NRK: variants seen among roughly 807,000 people sequenced by gnomAD.
NRK encodes the protein Nik related kinase, also known as nik-related protein kinase.
NRK carries 67 observed loss-of-function variants against 125.2 expected under a neutral mutation model. That is an observed-to-expected ratio of 0.54 (90% confidence interval 0.44 to 0.66). The LOEUF is 0.66. Among genes scored for constraint, NRK ranks in the 30% least tolerant of loss-of-function variants. The pLI is 0.00. For synonymous variants in NRK, 458 were observed against 429.0 expected (o/e 1.07, Z -0.84); for missense variants, 1,224 against 1,192.9 (o/e 1.03, Z -0.38).
chrX:105,923,115 C>T lies in NRK; in HGVS notation c.2611-3C>T, dbSNP rs1438317009. 2 of 1,191,979 alleles carry T rather than the reference C, an allele frequency of 1.7e-6. No homozygotes were observed. The highest frequency in any genetic ancestry group is 2.3e-6 in the Non-Finnish European group (2 of 882,831). ...GCTACATTAACCTTTCTTGTGCACA[C>T]AGGTTCCAGATGGATTTAAAGTAGG... On this transcript the variant is annotated splice_polypyrimidine_tract_variant and splice_region_variant and intron_variant, in intron 17 of 28. Coordinates refer to ENST00000243300, the MANE Select transcript of NRK (RefSeq NM_198465.4).
In NRK at chrX:105,955,529, A is replaced by C; in HGVS notation, c.4678A>C (p.Asn1560His). ...DKLFFTSTLR[N>H]HHSRVYFMTL... ...GCTGTTCTTTACCTCTACCCTGCGCAATCACCACAGCCGGGTTTACTTCAT... is the reference window on the plus strand; with the variant it reads ...GCTGTTCTTTACCTCTACCCTGCGCCATCACCACAGCCGGGTTTACTTCAT... Residue 1560 changes from asparagine to histidine, a missense_variant, in exon 29 of 29, where the codon AAT (asparagine) becomes CAT (histidine). By Grantham distance (68) the Asn-to-His change is moderately conservative. Transcript: ENST00000243300. The C allele has an allele frequency of 1.7e-6, 2 of 1,193,089 alleles. No homozygotes were observed. The highest frequency in any genetic ancestry group is 2.3e-6 in the Non-Finnish European group (2 of 882,956).
At chrX:105,876,729 A>G (rs535464178) in intron 2 of NRK, among the ~76,000 whole-genome samples, 2 of 112,020 alleles carry the variant, frequency 1.8e-5, no homozygotes, top group Admixed American at 9.5e-5. Context: ...AATTTGCCAT[A>G]AAACTCACAT....
chrX:105,906,936 A>G (rs1165497382), intron 11 of NRK, among the ~76,000 whole-genome samples: 1 of 110,740 alleles, frequency 9.0e-6, no homozygotes, highest in Non-Finnish European at 1.9e-5. Context: ...ATAAAAGATA[A>G]AAGGTAACAA....
chrX:105,826,954 G>A (rs181696121), intron 1 of NRK, among the ~76,000 whole-genome samples: 5 of 111,437 alleles, frequency 4.5e-5, no homozygotes, highest in Admixed American at 2.9e-4. Context: ...CAAGAACAGC[G>A]CACAAAAATC....
chrX:105,933,852 G>A (rs1219820754), intron 19 of NRK, among the ~76,000 whole-genome samples: 2 of 111,564 alleles, frequency 1.8e-5, no homozygotes, highest in Non-Finnish European at 3.8e-5. Context: ...CTAGTACTAT[G>A]ACTGAATACA....
In NRK at chrX:105,895,509, C is replaced by G. The variant is rs1170769583; in HGVS notation, c.566C>G (p.Ala189Gly). Reference protein sequence around the residue: ...KGQNVLLTHNAEVKLVDFGVS... With the variant: ...KGQNVLLTHNGEVKLVDFGVS... Reference sequence around the variant, plus strand: ...CAGAATGTGCTGCTGACTCATAATGCTGAAGTAAAACTGGGTAAGTTTATT... The same window carrying G: ...CAGAATGTGCTGCTGACTCATAATGGTGAAGTAAAACTGGGTAAGTTTATT... Residue 189 changes from alanine to glycine, a missense_variant, in exon 7 of 29, where the codon GCT (alanine) becomes GGT (glycine). Transcript: ENST00000243300. 1 of 1,181,021 alleles carries G rather than the reference C, an allele frequency of 8.5e-7. No homozygotes were observed. Among genetic ancestry groups the G allele is most frequent in the Admixed American group, 2.2e-5 (1 of 45,774 alleles).
At chrX:105,926,255 G>A (rs2147773649) in intron 19 of NRK, among the ~76,000 whole-genome samples, 1 of 111,544 alleles carries the variant, frequency 9.0e-6, no homozygotes, top group Admixed American at 9.5e-5. Flanking sequence ...TTTGAGAAAT[G>A]TCTATTCAAA....
At chrX:105,927,191 C>A (rs1266524767) in intron 19 of NRK, among the ~76,000 whole-genome samples, 2 of 110,153 alleles carry the variant, frequency 1.8e-5, no homozygotes, top group Non-Finnish European at 3.8e-5. Flanking sequence ...TTGTAGAGAT[C>A]TTTCACCTCA....
intron 7 of NRK, among the ~76,000 whole-genome samples, chrX:105,896,855 G>T (rs2040090573): frequency 9.0e-6 from 1 of 111,149 alleles, no homozygotes; most frequent in Non-Finnish European, 1.9e-5. Context: ...AACAATAAAT[G>T]AATAAACAAT....
At chrX:105,888,735 C>T (rs188056917) in intron 5 of NRK, among the ~76,000 whole-genome samples, 24 of 111,143 alleles carry the variant, frequency 2.2e-4, no homozygotes, top group East Asian at 1.4e-3. Flanking sequence ...TCTTGCATGG[C>T]GGCAGGCAAG....
intron 8 of NRK, among the ~76,000 whole-genome samples, chrX:105,899,234 A>C (rs1176458275): frequency 8.9e-6 from 1 of 112,284 alleles, no homozygotes; most frequent in Non-Finnish European, 1.9e-5. Context: ...CTATTTATTA[A>C]AATTTCCACT....
At chrX:105,905,527 T>C (rs1267587516) in intron 10 of NRK, among the ~76,000 whole-genome samples, 184 bp downstream of exon 10, 1 of 112,826 alleles carries the variant, frequency 8.9e-6, no homozygotes, top group Non-Finnish European at 1.9e-5. Context: ...TAGCCAACTA[T>C]AAATAAGTAA....
rs777107267 is a variant in NRK at position 105,912,752 on chromosome X, T to A, written c.2346T>A (p.Ile782=). The A allele has an allele frequency of 1.8e-5, 18 of 1,004,278 alleles. No individual in the cohort carries two copies. The highest frequency in any genetic ancestry group is 6.8e-6 in the Non-Finnish European group (5 of 738,575). The allele number at this position is 1,004,278 out of a possible 1,213,427, so 82.8% of individuals were successfully genotyped here. Residue 782 remains isoleucine, a synonymous_variant, in exon 14 of 29, where the codon ATT becomes ATA. Transcript: ENST00000243300. ...LKPYISNPKK[I]EVQERSPSVP... ...CATACATTTCAAATCCTAAAAAAAT[T>A]GAGGTAAATTTTTCAATATGAGTTG...
chrX:105,924,807 G>A lies in NRK; in HGVS notation c.3088G>A (p.Gly1030Arg). Residue 1030 changes from glycine (G) to arginine (R), a missense_variant, in exon 19 of 29, where the codon GGA becomes AGA. Transcript: ENST00000243300. ...CCATACAGCCAATAGAAGCCATGGA[G>A]GAAGTGCAGCCAGTGAGGACAATGC... ...GSHTANRSHG[G>R]SAASEDNAAI... The A allele has an allele frequency of 1.7e-6, 2 of 1,210,520 alleles. No homozygotes were observed. The highest frequency in any genetic ancestry group is 2.2e-6 in the Non-Finnish European group (2 of 894,685).
At chrX:105,869,648 AT>A (rs1280934565) in intron 2 of NRK, among the ~76,000 whole-genome samples, 1 of 111,656 alleles carries the variant, frequency 9.0e-6, no homozygotes, top group African/African-American at 3.3e-5. Flanking sequence ...TCATCTTTAT[AT>A]TAAGGGCTGT....
At chrX:105,937,628 T>C (rs1454256897) in intron 22 of NRK, 46 bp downstream of exon 22, 4 of 990,703 alleles carry the variant, frequency 4.0e-6, no homozygotes, top group African/African-American at 1.9e-5. Flanking sequence ...GCAGATTAAT[T>C]AGTCTGCAAA....
At chrX:105,942,449 A>G (rs2040756196) in intron 23 of NRK, among the ~76,000 whole-genome samples, 1 of 111,676 alleles carries the variant, frequency 9.0e-6, no homozygotes. Context: ...GTGGGATGTC[A>G]TAAAAGTTTC....
At chrX:105,918,619 A>AT (rs970614889) in intron 16 of NRK, among the ~76,000 whole-genome samples, 20 of 110,442 alleles carry the variant, frequency 1.8e-4, no homozygotes, top group Middle Eastern at 4.7e-3. Context: ...ATTTTTAAAA[A>AT]TTTTTTCCCA....
At chrX:105,887,513 A>G (rs937956783) in intron 4 of NRK, among the ~76,000 whole-genome samples, 3 of 112,205 alleles carry the variant, frequency 2.7e-5, no homozygotes, top group Non-Finnish European at 5.6e-5. Context: ...TGTGGGAGAC[A>G]GTCTGTCATT....
Sources: allele counts gnomAD v4.1 joint callset (sites outside exome capture counted in the v4.1 genomes callset), GRCh38; gene constraint gnomAD v4.1.1; transcripts MANE v1.5; gene names NCBI Gene and HGNC (gene_info 2026-07-23, HGNC 2026-07-21).